The following ZNF418 variants were observed in gnomAD, a reference collection of about 807,000 sequenced individuals.
ZNF418 encodes the protein zinc finger protein 418.
Under a neutral mutation model 32.0 loss-of-function variants are expected in ZNF418, and 32 were observed. The ratio of observed to expected loss-of-function variants is 1.00; its 90% confidence interval spans 0.75 to 1.34. The LOEUF is 1.34. ZNF418 is among the 40% of genes most tolerant of loss of function. The pLI is 0.00. For missense variants in ZNF418, 804 were observed against 812.5 expected (o/e 0.99, Z 0.13); for synonymous variants, 276 against 270.7 (o/e 1.02, Z -0.19).
chr19:57,929,356 G>A (rs1047605725), intron 3 of ZNF418, among the ~76,000 whole-genome samples: 1 of 152,238 alleles, frequency 6.6e-6, no homozygotes, highest in African/African-American at 2.4e-5. Context: ...AGAACATCAG[G>A]CTGAGCCTGG....
chr19:57,922,547 A>G lies in ZNF418; in HGVS notation c.*708T>C. ...TGCAGATCATAATCAGTTCATATTTATAATCTTGGGCTGGAGGCAAATGCA... is the reference window on the plus strand; with the variant it reads ...TGCAGATCATAATCAGTTCATATTTGTAATCTTGGGCTGGAGGCAAATGCA... On this transcript the variant is annotated 3_prime_UTR_variant, in exon 6 of 6. Transcript: ENST00000396147. 1 of 398,560 alleles carries G rather than the reference A, an allele frequency of 2.5e-6. No homozygotes were observed. The highest frequency in any genetic ancestry group is 4.4e-6 in the Non-Finnish European group (1 of 226,052). 24.7% of individuals were successfully genotyped at this position (398,560 alleles called of 1,614,324 possible). A position where few individuals can be genotyped will look rare whatever the true frequency, so the allele number is the denominator to read the frequency against.
intron 1 of ZNF418, chr19:57,934,187 T>C: frequency 8.6e-7 from 1 of 1,166,718 alleles, no homozygotes; most frequent in Non-Finnish European, 1.1e-6. Flanking sequence ...GAATGGGGAA[T>C]AAGGCCAGTG....
At chr19:57,929,686 C>T (rs898049084) in intron 3 of ZNF418, among the ~76,000 whole-genome samples, 1 of 145,432 alleles carries the variant, frequency 6.9e-6, no homozygotes, top group Non-Finnish European at 1.5e-5. Flanking sequence ...AACAGAATTT[C>T]TTTTTTTTTT....
rs1321792440 is a variant in ZNF418 at position 57,923,277 on chromosome 19, A to G, written c.*540T>C. On this transcript the variant is annotated 3_prime_UTR_variant, in exon 5 of 6. Coordinates refer to ENST00000396147, the MANE Select transcript of ZNF418 (RefSeq NM_133460.3). The stretch of plus-strand genomic sequence containing the variant: ...GATCGTGCCACTCCAGCCTGGGCAG[A>G]CAGACGGACATTCTGTCTCAAAAAC... 1.3e-5 allele frequency: 2 copies of G among 152,020 alleles called. No homozygotes were observed. Among genetic ancestry groups the G allele is most frequent in the African/African-American group, 4.8e-5 (2 of 41,382 alleles). 9.4% of individuals were successfully genotyped at this position (152,020 alleles called of 1,614,324 possible).
chr19:57,923,457 TATATATAC>T (rs977467570), intron 4 of ZNF418, among the ~76,000 whole-genome samples, 168 bp from the exon 5 acceptor site: 6 of 150,796 alleles, frequency 4.0e-5, no homozygotes, highest in African/African-American at 1.2e-4. Context: ...TATACACACA[TATATATAC>T]ATATATACAT....
chr19:57,931,034 CAA>C (rs1391061532), intron 2 of ZNF418, among the ~76,000 whole-genome samples: 3 of 152,082 alleles, frequency 2.0e-5, no homozygotes, highest in African/African-American at 7.2e-5. Context: ...CTCAGCCTCC[CAA>C]AGTGTTGGGA....
In ZNF418 at chr19:57,932,682, A is replaced by G; in HGVS notation, c.6+1135T>C. 4 of 1,376,168 alleles carry G rather than the reference A, an allele frequency of 2.9e-6. No individual in the cohort carries two copies. The South Asian group carries it at 4.8e-5, about 16-fold the overall frequency. The allele number at this position is 1,376,168 out of a possible 1,614,324, so 85.2% of individuals were successfully genotyped here. A position where few individuals can be genotyped will look rare whatever the true frequency, so the allele number is the denominator to read the frequency against. ...TGGAAAACAAAAGAAAAAAATAAATAAAATCCCAGCCCATCAGCTGTCCAC... is the reference window on the plus strand; with the variant it reads ...TGGAAAACAAAAGAAAAAAATAAATGAAATCCCAGCCCATCAGCTGTCCAC... On this transcript the variant is annotated intron_variant, in intron 2 of 5. Transcript: ENST00000396147.
rs1186053538 is a variant in ZNF418 at position 57,926,609 on chromosome 19, G to A, written c.1572C>T (p.Ser524=). ...TATGAACTCTCCGATGTCGAAGGAGGGAACAGCTTTGAGGAAATGACTTCC... is the reference window on the plus strand; with the variant it reads ...TATGAACTCTCCGATGTCGAAGGAGAGAACAGCTTTGAGGAAATGACTTCC... ...ECGKSFPQSC[S]LLRHRRVHTG... is the part of the protein sequence containing the mutation. The change falls in exon 4 of 6, where the codon TCC becomes TCT. Residue 524 remains serine (S), a synonymous_variant. Transcript: ENST00000396147. 2.5e-6 allele frequency: 4 copies of A among 1,613,896 alleles called. No homozygotes were observed. Among genetic ancestry groups the A allele is most frequent in the Non-Finnish European group, 3.4e-6 (4 of 1,179,970 alleles).
In ZNF418 at chr19:57,927,088, T is replaced by A. The variant is rs148982417; in HGVS notation, c.1093A>T (p.Thr365Ser). The A allele has an allele frequency of 5.0e-4, 809 of 1,614,084 alleles. 9 individuals are homozygous for A. The highest frequency in any genetic ancestry group is 4.4e-5 in the Non-Finnish European group (52 of 1,180,040). ...TCACACTCATAAGGTCTTTCACTAG[T>A]GTGACCTCGTTGATGTTGAATGAGA... ...GNLIQHQRGH[T>S]SERPYECEEC... The change falls in exon 4 of 6, where the codon ACT (threonine) becomes TCT (serine). Residue 365 changes from threonine (T) to serine (S), a missense_variant. By Grantham distance (58) the Thr-to-Ser change is moderately conservative. Transcript: ENST00000396147.
In ZNF418 at chr19:57,926,702, G is replaced by A. The variant is rs766252059; in HGVS notation, c.1479C>T (p.Asp493=). Residue 493 remains aspartate, a synonymous_variant, in exon 4 of 6, where the codon GAC becomes GAT. Transcript: ENST00000396147. The part of the protein sequence containing the change: ...ECNECGKSFQ[D]SSGFRVHQRV... ...TCTGATGAACACGAAACCCAGAGCT[G>A]TCTTGAAATGATTTCCCACATTCAT... 2.5e-6 allele frequency: 4 copies of A among 1,612,778 alleles called. No individual in the cohort carries two copies. The East Asian group carries it at 8.9e-5, about 36-fold the overall frequency.
intron 4 of ZNF418, 67 bp from the exon 5 acceptor site, chr19:57,923,356 G>A (rs2072068854): frequency 6.6e-6 from 1 of 151,654 alleles, no homozygotes; most frequent in Non-Finnish European, 1.5e-5. Context: ...GCAGACGGGA[G>A]TATTTTTCTA....
Position 57,926,610 on chromosome 19 carries a change from G to T in ZNF418, c.1571C>A (p.Ser524Tyr), listed in dbSNP as rs769741818. Residue 524 changes from serine to tyrosine, a missense_variant, in exon 4 of 6, where the codon TCC becomes TAC. Transcript: ENST00000396147. ...ATGAACTCTCCGATGTCGAAGGAGG[G>T]AACAGCTTTGAGGAAATGACTTCCC... ...ECGKSFPQSC[S>Y]LLRHRRVHTG... 1.2e-6 allele frequency: 2 copies of T among 1,613,632 alleles called. No homozygotes were observed. Among genetic ancestry groups the T allele is most frequent in the Non-Finnish European group, 1.7e-6 (2 of 1,179,936 alleles).
rs2072231115 is a variant in ZNF418, at chr19:57,926,500, T to C, written c.1681A>G (p.Thr561Ala). Reference protein sequence around the residue: ...SSLLRHQKTHTAERPYECREC... With the variant: ...SSLLRHQKTHAAERPYECREC... The stretch of plus-strand genomic sequence containing the variant: ...CTGCACTCATAAGGTCTTTCTGCAG[T>C]GTGAGTTTTCTGATGTCGAAGGAGG... The change falls in exon 4 of 6, where the codon ACT (threonine) becomes GCT (alanine). Residue 561 changes from threonine (T) to alanine (A), a missense_variant. Physicochemically the swap from Thr to Ala is moderately conservative, Grantham distance 58. This residue lies in a region of ZNF418 where 475 missense variants were observed against 458.6 expected (regional missense o/e 1.04). Coordinates refer to ENST00000396147, the MANE Select transcript of ZNF418 (RefSeq NM_133460.3). The C allele has an allele frequency of 1.9e-6, 3 of 1,614,016 alleles. No individual in the cohort carries two copies. The highest frequency in any genetic ancestry group is 2.7e-5 in the African/African-American group (2 of 74,978).
At chr19:57,930,672 G>A (rs2072449584) in intron 2 of ZNF418, 118 bp from the exon 3 acceptor site, 3 of 1,453,174 alleles carry the variant, frequency 2.1e-6, no homozygotes, top group Admixed American at 2.0e-5. Context: ...CAGCACAGAG[G>A]AGAAACTAGT....
chr19:57,927,903 T>C lies in ZNF418; in HGVS notation c.278A>G (p.Asp93Gly). ...SCEMCGAILG[D>G]ILHLADHQGT... ...CTGATGATCTGCCAAGTGCAAAATG[T>C]CTCCCAAGATCGCGCCACACATTTC... Residue 93 changes from aspartate to glycine, a missense_variant, in exon 4 of 6, where the codon GAC becomes GGC. Asp to Gly is a moderately conservative substitution (Grantham distance 94). This residue lies in a region of ZNF418 where 307 missense variants were observed against 304.9 expected (regional missense o/e 1.01). Transcript: ENST00000396147. 1 of 1,614,026 alleles carries C rather than the reference T, an allele frequency of 6.2e-7. No individual in the cohort carries two copies. Among genetic ancestry groups the C allele is most frequent in the Non-Finnish European group, 8.5e-7 (1 of 1,180,022 alleles).
chr19:57,928,534 G>A (rs554545333), intron 3 of ZNF418, among the ~76,000 whole-genome samples: 1 of 152,190 alleles, frequency 6.6e-6, no homozygotes, highest in South Asian at 2.1e-4. Flanking sequence ...AAAGTGCTGG[G>A]ATTACAGGTG....
At chr19:57,928,451 G>A (rs1015891327) in intron 3 of ZNF418, among the ~76,000 whole-genome samples, 1 of 152,078 alleles carries the variant, frequency 6.6e-6, no homozygotes, top group Non-Finnish European at 1.5e-5. Context: ...TTTTGTAGAG[G>A]TGGGGTTTCG....
At chr19:57,932,377 G>A in intron 2 of ZNF418, 1 of 1,507,852 alleles carries the variant, frequency 6.6e-7, no homozygotes. Context: ...GCCACAATGT[G>A]GCTGACAGAA....
rs530754113 is a variant in ZNF418, at chr19:57,927,391, C to G, written c.790G>C (p.Gly264Arg). The change falls in exon 4 of 6, where the codon GGG becomes CGG. Residue 264 changes from glycine to arginine, a missense_variant. Physicochemically the swap from Gly to Arg is moderately radical, Grantham distance 125. This residue lies in a region of ZNF418 where 22 missense variants were observed against 49.0 expected (regional missense o/e 0.45). Transcript: ENST00000396147. ...GKRPYECGECGKSFSHKGSLV... is the reference protein window; with the variant it reads ...GKRPYECGECRKSFSHKGSLV... The stretch of plus-strand genomic sequence containing the variant: ...CTGCCCTTATGACTAAAAGATTTCC[C>G]ACATTCTCCACATTCATAAGGTCTT... 6.2e-7 allele frequency: 1 copy of G among 1,614,154 alleles called. No homozygotes were observed. Among genetic ancestry groups the G allele is most frequent in the South Asian group, 1.1e-5 (1 of 91,084 alleles).
Sources: gnomAD v4.1 joint callset for allele counts (sites outside exome capture counted in the v4.1 genomes callset) on GRCh38, gnomAD v4.1.1 for gene constraint, gnomAD v4.1.1 regional missense constraint, MANE v1.5 for transcripts, NCBI Gene and HGNC (gene_info 2026-07-23, HGNC 2026-07-21) for gene names.